Variants in MARCHF6 observed in about 807,000 individuals in gnomAD.
MARCHF6 encodes E3 ubiquitin-protein ligase MARCHF6.
In MARCHF6, 31 loss-of-function variants were observed where a neutral mutation model predicts 133.7. The ratio of observed to expected loss-of-function variants is 0.23; its 90% CI spans 0.17 to 0.31. The LOEUF (loss-of-function observed/expected upper bound fraction) is 0.31, where lower values mean the gene tolerates loss of function less well. Among genes scored for constraint, MARCHF6 ranks in the 10% least tolerant of loss-of-function variants. The probability of loss-of-function intolerance (pLI) is 1.00; values close to 1 mark genes in which losing one functional copy is unlikely to be tolerated. For synonymous variants in MARCHF6, 395 were observed against 402.5 expected, an observed-to-expected ratio of 0.98 and a Z score of 0.22; for missense variants, 723 against 1,121.6, an observed-to-expected ratio of 0.64 and a Z score of 5.08.
chr5:10,381,669 T>C, intron 3 of MARCHF6, 131 bp from the exon 4 acceptor site: 1 of 661,482 alleles, frequency 1.5e-6, no homozygotes. Context: ...ATTTGGTTTA[T>C]TTTTTTTAAA....
chr5:10,384,789 G>T (rs1737364298), intron 4 of MARCHF6, among the ~76,000 whole-genome samples: 1 of 152,202 alleles, frequency 6.6e-6, no homozygotes, highest in Non-Finnish European at 1.5e-5. Flanking sequence ...AAAACTGGCA[G>T]TATCTACTGA....
At chr5:10,382,683 C>T (rs1012302305) in intron 4 of MARCHF6, among the ~76,000 whole-genome samples, 6 of 151,896 alleles carry the variant, frequency 4.0e-5, no homozygotes, top group Non-Finnish European at 7.4e-5. Flanking sequence ...AAAAATTAGC[C>T]GGGTGTGGTG....
rs148600192 is a variant in MARCHF6 at position 10,391,569 on chromosome 5, A to G, written c.604A>G (p.Asn202Asp). 6.4e-5 allele frequency: 103 copies of G among 1,611,900 alleles called. No individual in the cohort carries two copies. The highest frequency in any genetic ancestry group is 1.0e-4 in the Admixed American group (6 of 59,784). ...EAPAGGNGAE[N>D]VAADQPANPP... is the part of the protein sequence containing the mutation. ...TCCAGCAGGAGGAAATGGTGCAGAA[A>G]ATGTTGCTGCTGATCAGCCTGCTAA... The change falls in exon 7 of 26, where the codon AAT becomes GAT. Residue 202 changes from asparagine (N) to aspartate (D), a missense_variant. This residue lies in a region of MARCHF6 where 97 missense variants were observed against 115.4 expected (regional missense o/e 0.84). Coordinates refer to ENST00000274140, the MANE Select transcript of MARCHF6 (RefSeq NM_005885.4).
intron 1 of MARCHF6, among the ~76,000 whole-genome samples, chr5:10,373,463 C>T (rs1442845542): frequency 6.6e-6 from 1 of 152,148 alleles, no homozygotes; most frequent in Non-Finnish European, 1.5e-5. Context: ...TTTCTCAGGC[C>T]ACGCAGGGCT....
chr5:10,359,624 G>A (rs13167259), intron 1 of MARCHF6, among the ~76,000 whole-genome samples: 1 of 151,884 alleles, frequency 6.6e-6, no homozygotes, highest in Non-Finnish European at 1.5e-5. Flanking sequence ...AGAAATCCGC[G>A]TATAAGTGGA....
chr5:10,373,921 C>T (rs538730426), intron 1 of MARCHF6, among the ~76,000 whole-genome samples: 48 of 152,004 alleles, frequency 3.2e-4, no homozygotes, highest in Non-Finnish European at 6.0e-4. Flanking sequence ...AGGACTGATC[C>T]GCACCTGTGG....
rs540073064 is a variant in MARCHF6, at chr5:10,390,926, C to G, written c.576+426C>G. ...GACTACAGAATGTTTTTAAGAGAGCCAGATTTGTTAACCATTTTCTATAAT... is the reference window on the plus strand; with the variant it reads ...GACTACAGAATGTTTTTAAGAGAGCGAGATTTGTTAACCATTTTCTATAAT... On this transcript the variant is annotated intron_variant, in intron 6 of 25. Transcript: ENST00000274140. Among the ~76,000 whole-genome samples the G allele has an allele frequency of 4.6e-5, 7 of 152,186 alleles. No individual in the cohort carries two copies. In the South Asian group the frequency reaches 1.0e-3, roughly 23 times the overall value.
intron 1 of MARCHF6, among the ~76,000 whole-genome samples, chr5:10,376,410 TC>T (rs1736783126): frequency 6.6e-6 from 1 of 151,036 alleles, no homozygotes. Context: ...CGTCCGAACA[TC>T]AGAAGGAACA....
intron 19 of MARCHF6, 34 bp from the exon 20 acceptor site, chr5:10,414,399 T>C (rs765426976): frequency 8.1e-7 from 1 of 1,238,026 alleles, no homozygotes. Context: ...GCACGTGTTC[T>C]CTATTTATGC....
chr5:10,426,390 G>A lies in MARCHF6; in HGVS notation c.2374G>A (p.Val792Ile). Residue 792 changes from valine to isoleucine, a missense_variant and splice_region_variant, in exon 24 of 26, where the codon GTT (valine) becomes ATT (isoleucine). Val to Ile is a conservative substitution (Grantham distance 29). Around this residue, in one of 4 missense-constraint regions of MARCHF6, gnomAD observed 492 missense variants for 699.5 expected, o/e 0.70. Coordinates refer to ENST00000274140, the MANE Select transcript of MARCHF6 (RefSeq NM_005885.4). ...CTAATTGCTTTTTGTAATGTTTCAG[G>A]TTTACGCAAATGGCATCCGGAACAT... Reference protein sequence around the residue: ...QWWLKTVIEQVYANGIRNIDL... With the variant: ...QWWLKTVIEQIYANGIRNIDL... 6.2e-7 allele frequency: 1 copy of A among 1,613,034 alleles called. No homozygotes were observed. Among genetic ancestry groups the A allele is most frequent in the Non-Finnish European group, 8.5e-7 (1 of 1,179,612 alleles).
chr5:10,423,790 G>T lies in MARCHF6; in HGVS notation c.2339G>T (p.Gly780Val). Residue 780 changes from glycine to valine, a missense_variant, in exon 23 of 26, where the codon GGT becomes GTT. Coordinates refer to ENST00000274140, the MANE Select transcript of MARCHF6 (RefSeq NM_005885.4). ...AKIIAAITLM[G>V]PQWWLKTVIE... The stretch of plus-strand genomic sequence containing the variant: ...ATCATTGCAGCTATAACATTGATGG[G>T]TCCTCAGTGGTGGTTGAAAACTGTA... 6.2e-7 allele frequency: 1 copy of T among 1,613,368 alleles called. No individual in the cohort carries two copies. The highest frequency in any genetic ancestry group is 8.5e-7 in the Non-Finnish European group (1 of 1,179,626).
intron 22 of MARCHF6, among the ~76,000 whole-genome samples, chr5:10,423,489 C>G (rs1739932143): frequency 6.6e-6 from 1 of 152,084 alleles, no homozygotes; most frequent in Admixed American, 6.5e-5. Flanking sequence ...CTTTCTCTAA[C>G]TCTTGGGAAA....
intron 1 of MARCHF6, among the ~76,000 whole-genome samples, chr5:10,368,984 G>A (rs1439236281): frequency 6.6e-6 from 1 of 152,058 alleles, no homozygotes; most frequent in Non-Finnish European, 1.5e-5. Flanking sequence ...AATTTCCAAT[G>A]TGGGTGGAGG....
At chr5:10,411,873 G>A (rs1561140198) in intron 19 of MARCHF6, among the ~76,000 whole-genome samples, 2 of 152,168 alleles carry the variant, frequency 1.3e-5, no homozygotes, top group Admixed American at 6.5e-5. Flanking sequence ...CTCAAATACT[G>A]CAAAGTGTAG....
At position 10,410,247 on chromosome 5, in the gene MARCHF6, A is replaced by G. The variant is rs1739139077; in HGVS notation, c.1662A>G (p.Arg554=). ...GGCAGTGGCTGAAGGGGCTGGTGCG[A>G]GCGTGGACTGTGACCGCCGGATACT... ...HTRQWLKGLV[R]AWTVTAGYLL... The change falls in exon 18 of 26, where the codon CGA becomes CGG. Residue 554 remains arginine, a synonymous_variant. Coordinates refer to ENST00000274140, the MANE Select transcript of MARCHF6 (RefSeq NM_005885.4). The G allele has an allele frequency of 1.2e-6, 2 of 1,613,250 alleles. No individual in the cohort carries two copies. Among genetic ancestry groups the G allele is most frequent in the Non-Finnish European group, 1.7e-6 (2 of 1,179,998 alleles).
At chr5:10,427,797 A>G (rs1740168169) in intron 24 of MARCHF6, among the ~76,000 whole-genome samples, 1 of 152,170 alleles carries the variant, frequency 6.6e-6, no homozygotes, top group African/African-American at 2.4e-5. Context: ...CTTAGACAGT[A>G]AAGATATTAG....
At chr5:10,369,324 G>T (rs1000143603) in intron 1 of MARCHF6, among the ~76,000 whole-genome samples, 1 of 152,094 alleles carries the variant, frequency 6.6e-6, no homozygotes, top group Non-Finnish European at 1.5e-5. Context: ...TACCTGGTTG[G>T]ATGAAAAACG....
At chr5:10,427,448 A>T (rs990738052) in intron 24 of MARCHF6, among the ~76,000 whole-genome samples, 2 of 152,094 alleles carry the variant, frequency 1.3e-5, no homozygotes, top group Non-Finnish European at 2.9e-5. Flanking sequence ...TTTTGCTTTG[A>T]TGTGGGCTTC....
intron 22 of MARCHF6, among the ~76,000 whole-genome samples, chr5:10,419,431 C>T (rs186389059): frequency 2.6e-5 from 4 of 152,218 alleles, no homozygotes; most frequent in Admixed American, 1.3e-4. Context: ...CTATGATGTT[C>T]GGTAGGTTAG....
Sources: allele counts gnomAD v4.1 joint callset (sites outside exome capture counted in the v4.1 genomes callset), GRCh38; gene constraint gnomAD v4.1.1; regional missense constraint gnomAD v4.1.1; transcripts MANE v1.5; gene names NCBI Gene and HGNC (gene_info 2026-07-23, HGNC 2026-07-21).